Variants in GMDS observed in about 807,000 individuals in gnomAD.
The protein encoded by GMDS is GDP-mannose 4,6-dehydratase.
In GMDS, 20 loss-of-function variants were observed where a neutral mutation model predicts 49.9. That is an observed-to-expected ratio of 0.40 (90% CI 0.28 to 0.58). The LOEUF (loss-of-function observed/expected upper bound fraction) is 0.58, where lower values mean the gene tolerates loss of function less well. Ranked by LOEUF, GMDS falls within the 20% of genes least tolerant of loss-of-function variation. The pLI, the probability that GMDS is intolerant of heterozygous loss-of-function variation, is 0.42. For missense variants in GMDS, 362 were observed against 481.4 expected (o/e 0.75, Z 2.32); for synonymous variants, 177 against 178.6 (o/e 0.99, Z 0.07).
At chr6:2,041,344 G>A (rs974379678) in intron 4 of GMDS, among the ~76,000 whole-genome samples, 4 of 152,236 alleles carry the variant, frequency 2.6e-5, no homozygotes, top group African/African-American at 9.6e-5. Flanking sequence ...GCAAGAGAAT[G>A]TGACTATTTC....
chr6:1,808,228 C>T (rs150410303), intron 7 of GMDS, among the ~76,000 whole-genome samples: 133 of 152,282 alleles, frequency 8.7e-4, no homozygotes, highest in African/African-American at 2.7e-3. Flanking sequence ...TGGTTTGATC[C>T]TATTTCTCAG....
intron 7 of GMDS, among the ~76,000 whole-genome samples, chr6:1,854,628 G>A (rs9328074): frequency 0.011 from 1,736 of 152,310 alleles, 30 homozygotes; most frequent in African/African-American, 0.039. Flanking sequence ...GGTCTAAAAT[G>A]TCAGTACCAC....
intron 4 of GMDS, among the ~76,000 whole-genome samples, chr6:2,067,575 A>G (rs1311828657): frequency 1.3e-5 from 2 of 152,092 alleles, no homozygotes; most frequent in Non-Finnish European, 2.9e-5. Context: ...AAAAATGATA[A>G]AGGGGATATC....
At chr6:1,698,027 C>G (rs1273338475) in intron 9 of GMDS, among the ~76,000 whole-genome samples, 1 of 152,138 alleles carries the variant, frequency 6.6e-6, no homozygotes, top group Admixed American at 6.5e-5. Context: ...CATCTGTGGC[C>G]ACATGTGAAT....
chr6:2,035,600 A>G (rs1769256925), intron 4 of GMDS, among the ~76,000 whole-genome samples: 1 of 152,180 alleles, frequency 6.6e-6, no homozygotes, highest in African/African-American at 2.4e-5. Flanking sequence ...AATTATATCA[A>G]TATTATTACC....
In GMDS at chr6:2,221,039, G is replaced by A. The variant is rs1288625088; in HGVS notation, c.102+24282C>T. 3.3e-5 allele frequency among the ~76,000 whole-genome samples: 5 copies of A among 152,094 alleles called. No individual in the cohort carries two copies. The East Asian group carries it at 9.7e-4, about 29-fold the overall frequency. On this transcript the variant is annotated intron_variant, in intron 1 of 10. Transcript: ENST00000380815. The stretch of plus-strand genomic sequence containing the variant: ...AGAAATTTTTTAATTAGCCAGGCAT[G>A]GTAATGTACACCTGTAGTACATTAC...
At chr6:1,878,314 CAAAA>C (rs11463549) in intron 7 of GMDS, among the ~76,000 whole-genome samples, 2 of 72,530 alleles carry the variant, frequency 2.8e-5, no homozygotes, top group Non-Finnish European at 2.5e-5. Context: ...GAATCCATCT[CAAAA>C]AAAAAAAAAA....
intron 8 of GMDS, among the ~76,000 whole-genome samples, chr6:1,738,329 T>C (rs776738863): frequency 6.6e-5 from 10 of 152,228 alleles, no homozygotes; most frequent in Non-Finnish European, 1.2e-4. Context: ...GTGGTACTGA[T>C]CTGCTTCCCC....
At position 1,959,685 on chromosome 6, in the gene GMDS, A is replaced by T. The variant is rs146719514; in HGVS notation, c.643+182T>A. On this transcript the variant is annotated intron_variant, in intron 6 of 10. Coordinates refer to ENST00000380815, the MANE Select transcript of GMDS (RefSeq NM_001500.4). ...TAAAATTTAAAATCCCACAAACTCA[A>T]AATAAAATTACAAAAAACTAAGGCT... The T allele has an allele frequency of 1.1e-3, 446 of 399,244 alleles. 2 individuals carry two copies. Among genetic ancestry groups the T allele is most frequent in the African/African-American group, 8.3e-3 (401 of 48,556 alleles). 24.7% of individuals were successfully genotyped at this position (399,244 alleles called of 1,614,324 possible). A position where few individuals can be genotyped will look rare whatever the true frequency, so the allele number is the denominator to read the frequency against.
chr6:1,747,828 CA>C lies in GMDS; in HGVS notation c.772-5243del, dbSNP rs570793934. 3.9e-3 allele frequency among the ~76,000 whole-genome samples: 599 copies of C among 152,146 alleles called. 4 individuals carry two copies. Among genetic ancestry groups the C allele is most frequent in the Non-Finnish European group, 6.6e-3 (448 of 68,002 alleles). ...CTAATAAAAACAAACAGTGTGAAAC[CA>C]AAGTCTGGCCTTATGGCTATGTCTA... On this transcript the variant is annotated intron_variant, in intron 7 of 10. Coordinates refer to ENST00000380815, the MANE Select transcript of GMDS (RefSeq NM_001500.4).
intron 7 of GMDS, among the ~76,000 whole-genome samples, chr6:1,764,629 GATC>G (rs1768278205): frequency 6.6e-6 from 1 of 152,208 alleles, no homozygotes; most frequent in Non-Finnish European, 1.5e-5. Context: ...ATGCCTAAGA[GATC>G]ATCACCGCTC....
chr6:2,189,551 A>G (rs1778925535), intron 1 of GMDS, among the ~76,000 whole-genome samples: 2 of 152,208 alleles, frequency 1.3e-5, no homozygotes, highest in Admixed American at 1.3e-4. Flanking sequence ...CAGGAATCCT[A>G]TGATTTAGAA....
chr6:2,204,650 A>G (rs1779705294), intron 1 of GMDS, among the ~76,000 whole-genome samples: 1 of 152,214 alleles, frequency 6.6e-6, no homozygotes, highest in Non-Finnish European at 1.5e-5. Context: ...ACGTGGCTAG[A>G]GGCTGTTATT....
intron 9 of GMDS, among the ~76,000 whole-genome samples, chr6:1,659,240 A>G (rs936933931): frequency 6.7e-6 from 1 of 149,768 alleles, no homozygotes; most frequent in Non-Finnish European, 1.5e-5. Flanking sequence ...TCACTGTTGC[A>G]TGTTTTACAT....
chr6:2,003,459 T>C (rs897486788), intron 4 of GMDS, among the ~76,000 whole-genome samples: 1 of 152,112 alleles, frequency 6.6e-6, no homozygotes, highest in Non-Finnish European at 1.5e-5. Flanking sequence ...ACCATAAATT[T>C]AGCAAGCACT....
intron 9 of GMDS, among the ~76,000 whole-genome samples, chr6:1,646,913 G>C (rs1763502932): frequency 6.6e-6 from 1 of 152,178 alleles, no homozygotes; most frequent in South Asian, 2.1e-4. Flanking sequence ...TCAAAAGCCA[G>C]GTCAGAGGGG....
At chr6:1,674,370 T>C (rs191460516) in intron 9 of GMDS, among the ~76,000 whole-genome samples, 75 of 152,290 alleles carry the variant, frequency 4.9e-4, no homozygotes, top group African/African-American at 1.7e-3. Flanking sequence ...GTTCATTTTC[T>C]TGTGGTTGAG....
At chr6:1,805,006 A>T (rs924117112) in intron 7 of GMDS, among the ~76,000 whole-genome samples, 1 of 152,206 alleles carries the variant, frequency 6.6e-6, no homozygotes, top group Non-Finnish European at 1.5e-5. Context: ...TTCTATTTCA[A>T]AAAGAAATGA....
intron 4 of GMDS, among the ~76,000 whole-genome samples, chr6:2,035,356 T>C (rs962783932): frequency 1.3e-5 from 2 of 152,174 alleles, no homozygotes; most frequent in Non-Finnish European, 2.9e-5. Flanking sequence ...GCTCAAAGCT[T>C]ATCCATTCTT....
Sources: gnomAD v4.1 joint callset for allele counts (sites outside exome capture counted in the v4.1 genomes callset) on GRCh38, gnomAD v4.1.1 for gene constraint, MANE v1.5 for transcripts, NCBI Gene and HGNC (gene_info 2026-07-23, HGNC 2026-07-21) for gene names.